Variants in MAP7D2 observed in about 807,000 individuals in gnomAD.
The protein encoded by MAP7D2 is MAP7 domain-containing protein 2.
A neutral mutation model predicts 63.5 loss-of-function variants in MAP7D2; 33 were observed. That is an observed-to-expected ratio of 0.52 (90% CI 0.39 to 0.70). MAP7D2 has a LOEUF of 0.70. Among genes scored for constraint, MAP7D2 ranks in the 30% least tolerant of loss-of-function variants. The probability of loss-of-function intolerance (pLI) is 0.00; values close to 1 mark genes in which losing one functional copy is unlikely to be tolerated. For missense variants in MAP7D2, 626 were observed against 604.0 expected (o/e 1.04, Z -0.38); for synonymous variants, 224 against 223.7 (o/e 1.00, Z -0.01).
At chrX:20,086,729 A>C (rs1209023284) in intron 1 of MAP7D2, among the ~76,000 whole-genome samples, 1 of 111,780 alleles carries the variant, frequency 8.9e-6, no homozygotes, top group Non-Finnish European at 1.9e-5. Flanking sequence ...TGATGATAAT[A>C]ATCAACATTG....
At chrX:20,107,729 G>C (rs1025380742) in intron 1 of MAP7D2, among the ~76,000 whole-genome samples, 1 of 111,664 alleles carries the variant, frequency 9.0e-6, no homozygotes, top group Non-Finnish European at 1.9e-5. Context: ...CATTCTGTTT[G>C]TATTAGCCAG....
At chrX:20,109,156 G>A (rs982489463) in intron 1 of MAP7D2, among the ~76,000 whole-genome samples, 1 of 108,014 alleles carries the variant, frequency 9.3e-6, no homozygotes, top group African/African-American at 3.4e-5. Context: ...AGCAGATGTG[G>A]GAGACACAGC....
chrX:20,044,307 C>T, intron 7 of MAP7D2, 57 bp downstream of exon 7: 2 of 1,117,532 alleles, frequency 1.8e-6, no homozygotes, highest in Non-Finnish European at 2.4e-6. Context: ...GAAGTAATCA[C>T]ACCATCAGAC....
intron 1 of MAP7D2, among the ~76,000 whole-genome samples, chrX:20,100,167 G>C (rs1321303251): frequency 8.9e-6 from 1 of 112,049 alleles, no homozygotes; most frequent in Non-Finnish European, 1.9e-5. Context: ...GCTTAGTTTG[G>C]CTAAGACAGA....
intron 1 of MAP7D2, among the ~76,000 whole-genome samples, chrX:20,091,278 C>G (rs1472322940): frequency 2.8e-5 from 3 of 105,825 alleles, no homozygotes; most frequent in Admixed American, 1.0e-4. Flanking sequence ...GTCTCAAACT[C>G]CTGACTTCAG....
chrX:20,098,491 C>G (rs1281592991), intron 1 of MAP7D2, among the ~76,000 whole-genome samples: 1 of 111,735 alleles, frequency 8.9e-6, no homozygotes, highest in African/African-American at 3.3e-5. Context: ...CTCTTGGTCC[C>G]CACATTTATG....
intron 8 of MAP7D2, among the ~76,000 whole-genome samples, chrX:20,030,907 A>G (rs1173509808): frequency 8.9e-6 from 1 of 112,069 alleles, no homozygotes; most frequent in Non-Finnish European, 1.9e-5. Context: ...ATTCCTGCCC[A>G]AAGAACACAA....
Position 20,059,859 on chromosome X carries a change from A to G in MAP7D2, c.373-3068T>C, listed in dbSNP as rs749914858. On this transcript the variant is annotated intron_variant, in intron 3 of 16. Transcript: ENST00000379643. ...GAGGTCTGGCTTTAGATCTGTCTGG[A>G]TGAACTTGGAGAATCACGACCAAGG... Among the ~76,000 whole-genome samples the G allele has an allele frequency of 2.5e-4, 28 of 111,329 alleles. No homozygotes were observed. The South Asian group carries it at 8.9e-3, about 35-fold the overall frequency.
chrX:20,027,281 G>A (rs1366223504), intron 8 of MAP7D2, among the ~76,000 whole-genome samples: 2 of 112,396 alleles, frequency 1.8e-5, no homozygotes, highest in African/African-American at 3.2e-5. Flanking sequence ...CCCCACACTC[G>A]GGTTCTCCTA....
intron 1 of MAP7D2, among the ~76,000 whole-genome samples, chrX:20,109,204 C>T (rs1446358446): frequency 9.2e-6 from 1 of 109,067 alleles, no homozygotes; most frequent in Non-Finnish European, 1.9e-5. Context: ...TCCGTGGAGG[C>T]ACAGTGGCAC....
chrX:20,027,535 C>T (rs1438281569), intron 8 of MAP7D2, among the ~76,000 whole-genome samples: 2 of 110,849 alleles, frequency 1.8e-5, no homozygotes, highest in Non-Finnish European at 3.8e-5. Context: ...TAGCAGCATC[C>T]CTGGCCTCCA....
At position 20,007,031 on chromosome X, in the gene MAP7D2, A is replaced by T. The variant is rs1202948715; in HGVS notation, c.*1394T>A. The T allele has an allele frequency of 8.9e-6, 1 of 112,357 alleles. No individual in the cohort carries two copies. The highest frequency in any genetic ancestry group is 1.9e-5 in the Non-Finnish European group (1 of 53,300). 9.3% of individuals were successfully genotyped at this position (112,357 alleles called of 1,213,427 possible). A position where few individuals can be genotyped will look rare whatever the true frequency, so the allele number is the denominator to read the frequency against. ...AGATGAGAGGCATTTTCTGAAAGCC[A>T]GACCATGCTATGGTTTCTGTGTGCC... is the stretch of plus-strand genomic sequence containing the variant. On this transcript the variant is annotated 3_prime_UTR_variant, in exon 17 of 17. Transcript: ENST00000379643.
At chrX:20,083,592 C>T (rs2065831779) in intron 1 of MAP7D2, among the ~76,000 whole-genome samples, 2 of 112,477 alleles carry the variant, frequency 1.8e-5, no homozygotes, top group Non-Finnish European at 3.8e-5. Context: ...TCACAGCAAT[C>T]GGGTTTTGGA....
chrX:20,042,635 G>A lies in MAP7D2; in HGVS notation c.880-6C>T, dbSNP rs758493322. Reference sequence around the variant, plus strand: ...CCCCGCTTCACCTTCTCCACCTGTAGGGGACACAGGATAGCCACAGTCCAT... The same window carrying A: ...CCCCGCTTCACCTTCTCCACCTGTAAGGGACACAGGATAGCCACAGTCCAT... On this transcript the variant is annotated splice_region_variant and splice_polypyrimidine_tract_variant and intron_variant, in intron 7 of 16. Transcript: ENST00000379643. 8.3e-7 allele frequency: 1 copy of A among 1,211,017 alleles called. No individual in the cohort carries two copies. Among genetic ancestry groups the A allele is most frequent in the Non-Finnish European group, 1.1e-6 (1 of 895,120 alleles).
chrX:20,029,373 C>CTG (rs997498379), intron 8 of MAP7D2, among the ~76,000 whole-genome samples: 2 of 112,133 alleles, frequency 1.8e-5, no homozygotes, highest in Non-Finnish European at 3.8e-5. Flanking sequence ...TGGCAGGAGC[C>CTG]TGTTGGCTAT....
chrX:20,035,912 CA>C (rs1301734003), intron 8 of MAP7D2, among the ~76,000 whole-genome samples: 1 of 78,265 alleles, frequency 1.3e-5, no homozygotes, highest in East Asian at 4.3e-4. Flanking sequence ...GACTCCGTCT[CA>C]AAAAAAATAT....
At chrX:20,087,344 C>A (rs1451219402) in intron 1 of MAP7D2, among the ~76,000 whole-genome samples, 1 of 111,199 alleles carries the variant, frequency 9.0e-6, no homozygotes, top group Non-Finnish European at 1.9e-5. Flanking sequence ...AGAGTCCCTC[C>A]AGAGCTGGAT....
intron 1 of MAP7D2, among the ~76,000 whole-genome samples, chrX:20,092,694 T>C (rs748893964): frequency 8.9e-6 from 1 of 112,293 alleles, no homozygotes; most frequent in South Asian, 3.7e-4. Flanking sequence ...CTCTAATTAA[T>C]CTGTCTTTTG....
chrX:20,019,681 C>A (rs1209407699), intron 10 of MAP7D2, among the ~76,000 whole-genome samples: 1 of 111,532 alleles, frequency 9.0e-6, no homozygotes. Flanking sequence ...TTAAAACAAG[C>A]CTAACCTTCA....
Sources: allele counts gnomAD v4.1 joint callset (sites outside exome capture counted in the v4.1 genomes callset), GRCh38; gene constraint gnomAD v4.1.1; transcripts MANE v1.5; gene names NCBI Gene and HGNC (gene_info 2026-07-23, HGNC 2026-07-21).